The following MLLT10 variants were observed in gnomAD, a reference collection of about 807,000 sequenced individuals.
The protein encoded by MLLT10 is MLLT10 histone lysine methyltransferase DOT1L cofactor.
In MLLT10, 30 loss-of-function variants were observed where a neutral mutation model predicts 129.1. That is an observed-to-expected ratio of 0.23 (90% confidence interval 0.17 to 0.32). The LOEUF is 0.32. MLLT10 is among the 10% of genes least tolerant of loss of function. MLLT10 has a pLI of 1.00. For missense variants in MLLT10, 1,119 were observed against 1,268.3 expected (o/e 0.88, Z 1.79); for synonymous variants, 490 against 446.4 (o/e 1.10, Z -1.23).
At chr10:21,533,955 C>T (rs1206857007), upstream of MLLT10, among the ~76,000 whole-genome samples, 4 of 152,238 alleles carry the variant, frequency 2.6e-5, no homozygotes, top group East Asian at 7.7e-4. Flanking sequence ...CAGGCCTCTT[C>T]CCGACGCTCA....
Position 21,551,289 on chromosome 10 carries a change from CTTTTTTTTTTTT to C in MLLT10, c.240+12393_240+12404del, listed in dbSNP as rs11461905. Among the ~76,000 whole-genome samples the C allele has an allele frequency of 2.6e-3, 242 of 91,964 alleles. 3 individuals carry two copies. The highest frequency in any genetic ancestry group is 4.4e-3 in the South Asian group (13 of 2,966). The allele number at this position is 91,964 out of a possible 152,430, so 60.3% of individuals were successfully genotyped here. A position where few individuals can be genotyped will look rare whatever the true frequency, so the allele number is the denominator to read the frequency against. On this transcript the variant is annotated intron_variant, in intron 3 of 22. Coordinates refer to ENST00000307729, the MANE Select transcript of MLLT10 (RefSeq NM_001195626.3). ...GTGCCAAAAAGTACTCGGATTGTAC[CTTTTTTTTTTTT>C]TTTTTTTTTTTTTTTACATAACACA...
At chr10:21,538,959 G>A (rs2034587310) in intron 3 of MLLT10, 47 bp downstream of exon 3, 2 of 1,378,700 alleles carry the variant, frequency 1.5e-6, no homozygotes, top group African/African-American at 2.9e-5. Context: ...AGTAGGTTAG[G>A]AAATTAGGAA....
intron 5 of MLLT10, among the ~76,000 whole-genome samples, chr10:21,600,611 T>C (rs2043431724): frequency 6.6e-6 from 1 of 152,248 alleles, no homozygotes; most frequent in African/African-American, 2.4e-5. Flanking sequence ...CTATATCTAA[T>C]AAATGTTTAT....
chr10:21,676,489 G>C (rs1394243628), intron 11 of MLLT10, among the ~76,000 whole-genome samples: 1 of 151,222 alleles, frequency 6.6e-6, no homozygotes, highest in Non-Finnish European at 1.5e-5. Flanking sequence ...GGGAGGCCGA[G>C]GTGGGCAGGT....
At chr10:21,655,844 ATCAGAGGAGATGT>A (rs1433022391) in intron 9 of MLLT10, among the ~76,000 whole-genome samples, 12 of 152,154 alleles carry the variant, frequency 7.9e-5, no homozygotes, top group African/African-American at 2.4e-4. Context: ...TGGAACAAGA[ATCAGAGGAGATGT>A]TCAGAGAAAA....
intron 16 of MLLT10, among the ~76,000 whole-genome samples, chr10:21,729,716 A>T (rs1272635063): frequency 6.6e-6 from 1 of 152,206 alleles, no homozygotes; most frequent in Non-Finnish European, 1.5e-5. Context: ...CCAATAAACC[A>T]GGTTTTGACT....
chr10:21,651,545 A>G, intron 8 of MLLT10, 128 bp from the exon 9 acceptor site: 1 of 624,984 alleles, frequency 1.6e-6, no homozygotes, highest in South Asian at 2.3e-5. Flanking sequence ...CAACACAATG[A>G]TCAGAGGAAG....
intron 3 of MLLT10, chr10:21,556,749 AC>A (rs1186743415): frequency 6.2e-7 from 1 of 1,610,012 alleles, no homozygotes; most frequent in Non-Finnish European, 8.5e-7. Flanking sequence ...CTGGTGTCTA[AC>A]GTTCCTCCAG....
intron 3 of MLLT10, among the ~76,000 whole-genome samples, chr10:21,562,771 A>G (rs1010960393): frequency 1.6e-4 from 23 of 141,034 alleles, no homozygotes; most frequent in Non-Finnish European, 3.4e-4. Context: ...CTGTGTACGA[A>G]TCTTGCGTTT....
chr10:21,717,516 ACCACCTCCT>A (rs1284142815), intron 14 of MLLT10, among the ~76,000 whole-genome samples: 1 of 21,252 alleles, frequency 4.7e-5, no homozygotes, highest in African/African-American at 1.6e-4. Flanking sequence ...CTCCTCCTCC[ACCACCTCCT>A]CCTCCTCCTC....
chr10:21,733,186 T>C lies in MLLT10; in HGVS notation c.2407+99T>C. 2.5e-6 allele frequency: 3 copies of C among 1,209,762 alleles called. No homozygotes were observed. The South Asian group carries it at 5.2e-5, about 21-fold the overall frequency. The allele number at this position is 1,209,762 out of a possible 1,614,324, so 74.9% of individuals were successfully genotyped here. Reference sequence around the variant, plus strand: ...TAATTGGTCACCAGTTATATGAAGATGTAGAAAAGGAACTATAGGTTGTTT... The same window carrying C: ...TAATTGGTCACCAGTTATATGAAGACGTAGAAAAGGAACTATAGGTTGTTT... On this transcript the variant is annotated intron_variant, in intron 18 of 22. Transcript: ENST00000307729.
chr10:21,577,148 T>G (rs1049706732), intron 3 of MLLT10, among the ~76,000 whole-genome samples: 3 of 152,242 alleles, frequency 2.0e-5, no homozygotes, highest in African/African-American at 7.2e-5. Flanking sequence ...GTGAGTGGCT[T>G]CTTTCTCCTA....
chr10:21,725,497 T>A (rs1191646695), intron 14 of MLLT10, among the ~76,000 whole-genome samples: 1 of 152,010 alleles, frequency 6.6e-6, no homozygotes, highest in Non-Finnish European at 1.5e-5. Flanking sequence ...GGCGGGTGGA[T>A]CACCTGAGGT....
chr10:21,723,585 C>T (rs1179852676), intron 14 of MLLT10, among the ~76,000 whole-genome samples: 1 of 152,140 alleles, frequency 6.6e-6, no homozygotes, highest in East Asian at 1.9e-4. Flanking sequence ...TAATAATAAA[C>T]TAAAATGAGA....
intron 13 of MLLT10, among the ~76,000 whole-genome samples, chr10:21,712,876 CCTT>C (rs2056228925): frequency 6.6e-6 from 1 of 152,234 alleles, no homozygotes; most frequent in African/African-American, 2.4e-5. Flanking sequence ...GAAAGCCTCT[CCTT>C]CTCTATGCTG....
intron 5 of MLLT10, among the ~76,000 whole-genome samples, chr10:21,601,388 T>C (rs2043518413): frequency 1.3e-5 from 2 of 152,238 alleles, no homozygotes; most frequent in African/African-American, 4.8e-5. Flanking sequence ...TTCTTTTCTC[T>C]TAGCTACCAA....
chr10:21,582,824 G>T (rs1223916805), intron 3 of MLLT10, among the ~76,000 whole-genome samples: 1 of 152,184 alleles, frequency 6.6e-6, no homozygotes, highest in East Asian at 1.9e-4. Context: ...ATCATTACCA[G>T]TATATGAAAA....
At chr10:21,716,540 A>G (rs1483294065) in intron 14 of MLLT10, among the ~76,000 whole-genome samples, 6 of 152,042 alleles carry the variant, frequency 3.9e-5, no homozygotes, top group Admixed American at 1.3e-4. Context: ...TAAAAAATTC[A>G]AAAATTAGCT....
intron 3 of MLLT10, chr10:21,557,849 G>C (rs905663528): frequency 6.6e-6 from 1 of 152,080 alleles, no homozygotes; most frequent in African/African-American, 2.4e-5. Flanking sequence ...CATAATGCAG[G>C]GGGGTGGGTG....
Sources: allele counts gnomAD v4.1 joint callset (sites outside exome capture counted in the v4.1 genomes callset), GRCh38; gene constraint gnomAD v4.1.1; transcripts MANE v1.5; gene names NCBI Gene and HGNC (gene_info 2026-07-23, HGNC 2026-07-21).